Variants in GABBR2 observed in about 807,000 individuals in gnomAD.
The protein encoded by GABBR2 is gamma-aminobutyric acid type B receptor subunit 2.
A neutral mutation model predicts 105.6 loss-of-function variants in GABBR2; 23 were observed. The observed-to-expected ratio is 0.22, with a 90% CI of 0.16 to 0.31. The LOEUF (loss-of-function observed/expected upper bound fraction) is 0.31, where lower values mean the gene tolerates loss of function less well. GABBR2 is among the 10% of genes least tolerant of loss of function. The pLI, the probability that GABBR2 is intolerant of heterozygous loss-of-function variation, is 1.00. For missense variants in GABBR2, 734 were observed against 1,245.5 expected (o/e 0.59, Z 6.18); for synonymous variants, 478 against 499.7 (o/e 0.96, Z 0.58).
At chr9:98,426,619 G>A (rs1825695346) in intron 7 of GABBR2, among the ~76,000 whole-genome samples, 1 of 152,210 alleles carries the variant, frequency 6.6e-6, no homozygotes, top group African/African-American at 2.4e-5. Context: ...AACCCAGATG[G>A]CTCCACAAGG....
chr9:98,673,064 A>G (rs774377845), intron 1 of GABBR2, among the ~76,000 whole-genome samples: 1 of 152,260 alleles, frequency 6.6e-6, no homozygotes, highest in Admixed American at 6.5e-5. Flanking sequence ...ATAAGTGACC[A>G]TAGCAACTGA....
intron 13 of GABBR2, among the ~76,000 whole-genome samples, chr9:98,344,732 G>A (rs1831275402): frequency 6.6e-6 from 1 of 152,128 alleles, no homozygotes; most frequent in South Asian, 2.1e-4. Flanking sequence ...ATCACTCAGT[G>A]ATTCCCGGGG....
At chr9:98,389,552 G>A (rs895496417) in intron 9 of GABBR2, among the ~76,000 whole-genome samples, 1 of 152,220 alleles carries the variant, frequency 6.6e-6, no homozygotes, top group African/African-American at 2.4e-5. Context: ...CTGGCTTTCT[G>A]TTTCCACAAG....
rs1461206438 is a variant in GABBR2, at chr9:98,290,660, G to A, written c.2750C>T (p.Pro917Leu). The change falls in exon 19 of 19, where the codon CCC (proline) becomes CTC (leucine). Residue 917 changes from proline (P) to leucine (L), a missense_variant. By Grantham distance (98) the Pro-to-Leu change is moderately conservative. Coordinates refer to ENST00000259455, the MANE Select transcript of GABBR2 (RefSeq NM_005458.8). ...IGGVDASCVS[P>L]CVSPTASPRH... ...GGGGCTGGCGGTGGGGCTGACGCAG[G>A]GGCTGACACAGCTGGCGTCCACGCC... 6.8e-7 allele frequency: 1 copy of A among 1,470,222 alleles called. No individual in the cohort carries two copies. The highest frequency in any genetic ancestry group is 8.9e-7 in the Non-Finnish European group (1 of 1,119,140). 91.1% of individuals were successfully genotyped at this position (1,470,222 alleles called of 1,614,324 possible). A position where few individuals can be genotyped will look rare whatever the true frequency, so the allele number is the denominator to read the frequency against.
In GABBR2 at chr9:98,624,956, G is replaced by A. The variant is rs12387016; in HGVS notation, c.322-46884C>T. ...GTTGCTCCACAGGGCTTCCTGTAGT[G>A]CAGAACCTCCCCTCCATCACCTGCC... On this transcript the variant is annotated intron_variant, in intron 1 of 18. Transcript: ENST00000259455. Among the ~76,000 whole-genome samples the A allele has an allele frequency of 3.8e-3, 577 of 152,274 alleles. 2 individuals carry two copies. Among genetic ancestry groups the A allele is most frequent in the African/African-American group, 0.013 (549 of 41,558 alleles).
In GABBR2 at chr9:98,442,973, TTTC is replaced by T. The variant is rs1588163873; in HGVS notation, c.1236+11005_1236+11007del. On this transcript the variant is annotated intron_variant, in intron 7 of 18. Transcript: ENST00000259455. ...ACTAATCACATCTGTAACAACCCTATTTCCAAATAAGGTCACATTCTGAGCTAC... is the reference window on the plus strand; with the variant it reads ...ACTAATCACATCTGTAACAACCCTATCAAATAAGGTCACATTCTGAGCTAC... Among the ~76,000 whole-genome samples, 3 of 152,316 alleles carry T rather than the reference TTTC, an allele frequency of 2.0e-5. No homozygotes were observed. In the East Asian group the frequency reaches 5.8e-4, roughly 29 times the overall value.
At chr9:98,465,084 C>T (rs1826517565) in intron 6 of GABBR2, among the ~76,000 whole-genome samples, 3 of 145,572 alleles carry the variant, frequency 2.1e-5, no homozygotes, top group Middle Eastern at 7.1e-3. Flanking sequence ...GCCACATCCC[C>T]CTCTCTGAGA....
At chr9:98,612,448 G>C (rs2151076) in intron 1 of GABBR2, among the ~76,000 whole-genome samples, 127,677 of 152,218 alleles carry the variant, frequency 0.84, 53,772 homozygotes, top group Middle Eastern at 0.91. Context: ...CTAGAGGGCC[G>C]CTTCTAACCC....
chr9:98,378,038 G>A (rs988333244), intron 11 of GABBR2, among the ~76,000 whole-genome samples: 3 of 152,250 alleles, frequency 2.0e-5, no homozygotes, highest in South Asian at 4.1e-4. Context: ...TTATTACATT[G>A]TTTTACTTCT....
intron 1 of GABBR2, among the ~76,000 whole-genome samples, chr9:98,704,767 AT>A (rs1287727870): frequency 2.0e-5 from 3 of 151,598 alleles, no homozygotes; most frequent in African/African-American, 4.8e-5. Context: ...TTGAAAAAAA[AT>A]ATCTTTAACT....
At chr9:98,487,864 A>G (rs1378488905) in intron 4 of GABBR2, among the ~76,000 whole-genome samples, 1 of 152,152 alleles carries the variant, frequency 6.6e-6, no homozygotes, top group African/African-American at 2.4e-5. Flanking sequence ...GAAAATTCAC[A>G]TTCCAGATGG....
rs112563380 is a variant in GABBR2 at position 98,425,573 on chromosome 9, A to G, written c.1237-19432T>C. ...ATGGCTCTGGTCCTACTGCAAGGCC[A>G]AGTGCCTAATTGGTCTCCACTGGTG... On this transcript the variant is annotated intron_variant, in intron 7 of 18. Coordinates refer to ENST00000259455, the MANE Select transcript of GABBR2 (RefSeq NM_005458.8). Among the ~76,000 whole-genome samples the G allele has an allele frequency of 3.1e-3, 468 of 152,336 alleles. 4 individuals carry two copies. The highest frequency in any genetic ancestry group is 0.011 in the African/African-American group (453 of 41,574).
chr9:98,573,294 T>C (rs1828860202), intron 2 of GABBR2, among the ~76,000 whole-genome samples: 1 of 152,208 alleles, frequency 6.6e-6, no homozygotes, highest in Admixed American at 6.5e-5. Context: ...TATTATTTTT[T>C]TTAATAGAGG....
intron 1 of GABBR2, among the ~76,000 whole-genome samples, chr9:98,680,306 T>A (rs910407189): frequency 2.6e-5 from 4 of 152,114 alleles, no homozygotes; most frequent in African/African-American, 9.7e-5. Flanking sequence ...TTTTATTTAT[T>A]TATTTATTTA....
intron 1 of GABBR2, among the ~76,000 whole-genome samples, chr9:98,684,007 C>CAAAAAAAAAAAAAAAAAAA (rs367642589): frequency 9.4e-6 from 1 of 105,932 alleles, no homozygotes; most frequent in Non-Finnish European, 1.9e-5. Flanking sequence ...GACTCCATCT[C>CAAAAAAAAAAAAAAAAAAA]AAAAAAAAAA....
chr9:98,662,372 C>G (rs142890969), intron 1 of GABBR2, among the ~76,000 whole-genome samples: 14 of 152,278 alleles, frequency 9.2e-5, no homozygotes, highest in Middle Eastern at 6.8e-3. Flanking sequence ...AACTTGGAAT[C>G]AGATGGCTGT....
At chr9:98,621,021 T>C (rs1235375780) in intron 1 of GABBR2, among the ~76,000 whole-genome samples, 2 of 152,168 alleles carry the variant, frequency 1.3e-5, no homozygotes, top group African/African-American at 4.8e-5. Flanking sequence ...AAAAAGCTAT[T>C]ATTGTTATTA....
intron 3 of GABBR2, among the ~76,000 whole-genome samples, chr9:98,535,920 A>C (rs147943095): frequency 0.012 from 1,828 of 152,212 alleles, 17 homozygotes; most frequent in Non-Finnish European, 0.017. Flanking sequence ...GTCATTACAC[A>C]TTTGTCCAAA....
intron 1 of GABBR2, among the ~76,000 whole-genome samples, chr9:98,624,307 C>T (rs937975844): frequency 1.3e-4 from 20 of 152,142 alleles, no homozygotes; most frequent in Non-Finnish European, 8.8e-5. Flanking sequence ...AGGATGCAGG[C>T]CAAGCAGACA....
Sources: gnomAD v4.1 joint callset for allele counts (sites outside exome capture counted in the v4.1 genomes callset) on GRCh38, gnomAD v4.1.1 for gene constraint, MANE v1.5 for transcripts, NCBI Gene and HGNC (gene_info 2026-07-23, HGNC 2026-07-21) for gene names.